Variants in ZNF609 observed in about 807,000 individuals in gnomAD.
ZNF609 encodes zinc finger protein 609.
Under a neutral mutation model 109.5 loss-of-function variants are expected in ZNF609, and 11 were observed. The ratio of observed to expected loss-of-function variants is 0.10; its 90% CI spans 0.06 to 0.17. The LOEUF (loss-of-function observed/expected upper bound fraction) is 0.17, where lower values mean the gene tolerates loss of function less well. Among genes scored for constraint, ZNF609 ranks in the 10% least tolerant of loss-of-function variants. ZNF609 has a pLI of 1.00. For missense variants in ZNF609, 1,559 were observed against 1,772.4 expected (o/e 0.88, Z 2.16); for synonymous variants, 646 against 662.0 (o/e 0.98, Z 0.37).
At chr15:64,511,219 C>T (rs918025946) in intron 2 of ZNF609, among the ~76,000 whole-genome samples, 1 of 151,826 alleles carries the variant, frequency 6.6e-6, no homozygotes, top group African/African-American at 2.4e-5. Flanking sequence ...CACCTGTAAT[C>T]CCAGCACTTT....
rs1308912065 is a variant in ZNF609 at position 64,675,802 on chromosome 15, A to G, written c.2948A>G (p.Tyr983Cys). 4.3e-6 allele frequency: 7 copies of G among 1,614,042 alleles called. No homozygotes were observed. The highest frequency in any genetic ancestry group is 1.6e-4 in the Middle Eastern group (1 of 6,084). Residue 983 changes from tyrosine (Y) to cysteine (C), a missense_variant, in exon 5 of 10, where the codon TAT becomes TGT. Physicochemically the swap from Tyr to Cys is radical, Grantham distance 194. Around this residue, in one of 4 missense-constraint regions of ZNF609, gnomAD observed 1,204 missense variants for 1,314.1 expected, o/e 0.92. Transcript: ENST00000326648. ...AACCAGTATGCCTATGTACCCCCCT[A>G]TGGCTACAGCGACCAGAGTTACCAC... ...YYNQYAYVPP[Y>C]GYSDQSYHTH...
intron 2 of ZNF609, among the ~76,000 whole-genome samples, chr15:64,566,740 C>T (rs1894783258): frequency 6.6e-6 from 1 of 152,220 alleles, no homozygotes. Context: ...GTGTTAACTA[C>T]TTCCCAGTTT....
At chr15:64,657,497 C>G (rs1896508026) in intron 3 of ZNF609, among the ~76,000 whole-genome samples, 1 of 151,934 alleles carries the variant, frequency 6.6e-6, no homozygotes, top group African/African-American at 2.4e-5. Context: ...GCATGTAGTC[C>G]CAGCTACTCG....
intron 3 of ZNF609, among the ~76,000 whole-genome samples, chr15:64,644,956 T>C (rs557528502): frequency 4.9e-4 from 72 of 146,754 alleles, no homozygotes; most frequent in African/African-American, 1.7e-3. Flanking sequence ...TTCTCTCTCT[T>C]TCTTTTCTTT....
intron 2 of ZNF609, among the ~76,000 whole-genome samples, chr15:64,561,239 GTTTTAT>G (rs1376640807): frequency 6.6e-6 from 1 of 151,944 alleles, no homozygotes; most frequent in Non-Finnish European, 1.5e-5. Context: ...ACTTTGTTTT[GTTTTAT>G]TTTTATAACA....
chr15:64,661,598 A>G (rs915023199), intron 3 of ZNF609, among the ~76,000 whole-genome samples: 2 of 152,228 alleles, frequency 1.3e-5, no homozygotes, highest in Non-Finnish European at 2.9e-5. Context: ...TGGAAACTCA[A>G]TGCTACTGGA....
chr15:64,670,899 A>T (rs1175583416), intron 4 of ZNF609, among the ~76,000 whole-genome samples: 6 of 145,534 alleles, frequency 4.1e-5, no homozygotes, highest in East Asian at 2.1e-4. Context: ...AAAAAAAAGA[A>T]GATGAATTGT....
intron 2 of ZNF609, among the ~76,000 whole-genome samples, chr15:64,567,270 G>T (rs1894790373): frequency 6.6e-6 from 1 of 152,002 alleles, no homozygotes; most frequent in African/African-American, 2.4e-5. Context: ...TGGATCATGA[G>T]GTCAAGAGAT....
intron 2 of ZNF609, among the ~76,000 whole-genome samples, chr15:64,598,169 C>T (rs1018095020): frequency 1.3e-5 from 2 of 152,194 alleles, no homozygotes; most frequent in Non-Finnish European, 2.9e-5. Context: ...GGCTGGAGTG[C>T]AGTGGCACGG....
chr15:64,573,346 C>CTTTTTTTTTTT lies in ZNF609; in HGVS notation c.748-49465_748-49455dup, dbSNP rs71133442. Among the ~76,000 whole-genome samples the CTTTTTTTTTTT allele has an allele frequency of 4.5e-4, 33 of 72,976 alleles. 8 individuals carry two copies. Among genetic ancestry groups the CTTTTTTTTTTT allele is most frequent in the East Asian group, 1.1e-3 (2 of 1,894 alleles). The allele number at this position is 72,976 out of a possible 152,430, so 47.9% of individuals were successfully genotyped here. A position where few individuals can be genotyped will look rare whatever the true frequency, so the allele number is the denominator to read the frequency against. ...GCAGTAGAGTTAGTGGCCCAACTTT[C>CTTTTTTTTTTT]TTTTTTTTTTTTTTTTTTTTTTTTT... On this transcript the variant is annotated intron_variant, in intron 2 of 9. Transcript: ENST00000326648.
intron 2 of ZNF609, among the ~76,000 whole-genome samples, chr15:64,550,293 G>A (rs1236014563): frequency 6.6e-6 from 1 of 151,508 alleles, no homozygotes; most frequent in Non-Finnish European, 1.5e-5. Context: ...CAAGTGTTTT[G>A]CCCAGGTTTG....
At chr15:64,650,173 G>A (rs1896393755) in intron 3 of ZNF609, among the ~76,000 whole-genome samples, 1 of 151,662 alleles carries the variant, frequency 6.6e-6, no homozygotes, top group South Asian at 2.1e-4. Flanking sequence ...GGAGGCCGAG[G>A]CCGGTGGATT....
chr15:64,569,931 T>C (rs1894834673), intron 2 of ZNF609, among the ~76,000 whole-genome samples: 1 of 152,260 alleles, frequency 6.6e-6, no homozygotes, highest in Admixed American at 6.5e-5. Flanking sequence ...GTGTATTTTT[T>C]TAAGCTTTAA....
rs556804235 is a variant in ZNF609, at chr15:64,480,009, G to A, written c.-128+19171G>A. On this transcript the variant is annotated intron_variant, in intron 1 of 9. Transcript: ENST00000326648. ...TAACACTTTGGGAGGCTTGAGGTGG[G>A]CAGATCACCCTGAAGTCAGAAGCTC... 8.3e-4 allele frequency among the ~76,000 whole-genome samples: 125 copies of A among 150,462 alleles called. 1 individual carries two copies. The highest frequency in any genetic ancestry group is 2.9e-3 in the African/African-American group (118 of 40,966).
At chr15:64,482,293 A>G (rs1893265595) in intron 1 of ZNF609, among the ~76,000 whole-genome samples, 1 of 152,136 alleles carries the variant, frequency 6.6e-6, no homozygotes. Context: ...ACGTGAATAA[A>G]TCCTCTAGAA....
chr15:64,657,021 G>A (rs926753009), intron 3 of ZNF609, among the ~76,000 whole-genome samples: 8 of 152,162 alleles, frequency 5.3e-5, no homozygotes, highest in Non-Finnish European at 1.0e-4. Flanking sequence ...CACTTTGGGA[G>A]GCTGAGGCAG....
chr15:64,586,658 CTCTG>C (rs1314737804), intron 2 of ZNF609, among the ~76,000 whole-genome samples: 1 of 152,066 alleles, frequency 6.6e-6, no homozygotes, highest in African/African-American at 2.4e-5. Flanking sequence ...GCCAACCCCC[CTCTG>C]TCTGTGGAAA....
chr15:64,523,314 C>A (rs980702192), intron 2 of ZNF609, among the ~76,000 whole-genome samples: 2 of 152,104 alleles, frequency 1.3e-5, no homozygotes, highest in Non-Finnish European at 1.5e-5. Flanking sequence ...TGGAGAGAAA[C>A]AGCTTCCAAT....
At position 64,553,833 on chromosome 15, in the gene ZNF609, C is replaced by T. The variant is rs182446628; in HGVS notation, c.747+53667C>T. ...CAGGAAGGTCTCGATCTCCTGACCT[C>T]GTGATCCACCTGCCTCAGCCTCCCA... On this transcript the variant is annotated intron_variant, in intron 2 of 9. Coordinates refer to ENST00000326648, the MANE Select transcript of ZNF609 (RefSeq NM_015042.2). Among the ~76,000 whole-genome samples the T allele has an allele frequency of 3.0e-4, 46 of 152,118 alleles. 1 individual carries two copies. The highest frequency in any genetic ancestry group is 5.7e-4 in the Non-Finnish European group (39 of 68,000).
Sources: gnomAD v4.1 joint callset for allele counts (sites outside exome capture counted in the v4.1 genomes callset) on GRCh38, gnomAD v4.1.1 for gene constraint, gnomAD v4.1.1 regional missense constraint, MANE v1.5 for transcripts, NCBI Gene and HGNC (gene_info 2026-07-23, HGNC 2026-07-21) for gene names.